Variants in SLC38A12 observed in about 807,000 individuals in gnomAD.
The protein encoded by SLC38A12 is putative sodium-coupled neutral amino acid transporter 12.
At chr17:74,798,343 A>G in the SLC38A12 span, among the ~76,000 whole-genome samples, 3 of 152,216 alleles carry the variant, frequency 2.0e-5, no homozygotes, top group Admixed American at 6.5e-5. Context: ...TCCTTGCTAC[A>G]GTAACTGTCT....
At chr17:74,818,178 G>C in the SLC38A12 span, among the ~76,000 whole-genome samples, 1 of 152,108 alleles carries the variant, frequency 6.6e-6, no homozygotes, top group African/African-American at 2.4e-5. Context: ...CCTCTCCCTG[G>C]GCTGAGGGGA....
the SLC38A12 span, among the ~76,000 whole-genome samples, chr17:74,793,047 C>G: frequency 6.6e-6 from 1 of 152,354 alleles, no homozygotes; most frequent in Admixed American, 6.5e-5. Flanking sequence ...TTTAAGAATT[C>G]TAGCAAACAG....
At chr17:74,811,327 C>G in the SLC38A12 span, among the ~76,000 whole-genome samples, 8 of 151,630 alleles carry the variant, frequency 5.3e-5, no homozygotes, top group African/African-American at 1.9e-4. Flanking sequence ...GAGACCTTGT[C>G]TGAAGAAACC....
chr17:74,827,547 C>T, the SLC38A12 span, among the ~76,000 whole-genome samples: 9 of 152,156 alleles, frequency 5.9e-5, no homozygotes, highest in Non-Finnish European at 1.0e-4. This position sits in a 1 kb window ranked among gnomAD's most constrained non-coding sequence, Gnocchi z 4.7. Context: ...CCACCCACCT[C>T]GGCCTCCCAA....
the SLC38A12 span, among the ~76,000 whole-genome samples, chr17:74,797,422 A>T: frequency 6.8e-3 from 1,041 of 152,326 alleles, 10 homozygotes; most frequent in African/African-American, 0.024. Context: ...GAGGCTGCAG[A>T]ACAGGAGTGG....
chr17:74,809,226 A>G, the SLC38A12 span, among the ~76,000 whole-genome samples: 36 of 152,132 alleles, frequency 2.4e-4, no homozygotes, highest in Non-Finnish European at 5.0e-4. Flanking sequence ...ACTTGCCTTG[A>G]AAAGGGGGAA....
chr17:74,836,072 C>T, the SLC38A12 span: 2 of 1,613,746 alleles, frequency 1.2e-6, no homozygotes, highest in South Asian at 1.1e-5. The surrounding 1 kb of genome is among the most constrained non-coding windows in gnomAD (Gnocchi z 4.2). Flanking sequence ...CTCTGCCATC[C>T]CTCATTACCC....
At chr17:74,788,911 C>T in the SLC38A12 span, 3 of 1,579,648 alleles carry the variant, frequency 1.9e-6, no homozygotes, top group Non-Finnish European at 2.6e-6. Flanking sequence ...GCCTCTGTTC[C>T]GTCAGGTACC....
At chr17:74,814,945 C>G in the SLC38A12 span, among the ~76,000 whole-genome samples, 2 of 152,148 alleles carry the variant, frequency 1.3e-5, no homozygotes, top group African/African-American at 4.8e-5. Flanking sequence ...CAGTCAAGAG[C>G]CCCCAGGGAG....
the SLC38A12 span, chr17:74,777,758 A>G: frequency 2.0e-6 from 1 of 494,500 alleles, no homozygotes; most frequent in Non-Finnish European, 3.5e-6. Flanking sequence ...TGTCTCTACT[A>G]AAAATACAAA....
At chr17:74,808,663 G>T in the SLC38A12 span, among the ~76,000 whole-genome samples, 2 of 152,206 alleles carry the variant, frequency 1.3e-5, no homozygotes, top group African/African-American at 4.8e-5. Context: ...ATGTTCAGGG[G>T]CTGAGCTCTT....
chr17:74,838,932 G>A, the SLC38A12 span: 1 of 1,535,768 alleles, frequency 6.5e-7, no homozygotes, highest in East Asian at 2.4e-5. Context: ...GAGGATGCCA[G>A]CCCAGCCTGG....
chr17:74,822,831 C>T, the SLC38A12 span, among the ~76,000 whole-genome samples: 1 of 152,220 alleles, frequency 6.6e-6, no homozygotes, highest in Non-Finnish European at 1.5e-5. Flanking sequence ...TGTCCCCCTC[C>T]CAGCCCCGGG....
chr17:74,828,275 AG>A, the SLC38A12 span, among the ~76,000 whole-genome samples: 2 of 152,212 alleles, frequency 1.3e-5, no homozygotes, highest in Non-Finnish European at 2.9e-5. Context: ...GCAGCTCTCC[AG>A]GAAGCAGCCC....
At chr17:74,798,860 C>T in the SLC38A12 span, among the ~76,000 whole-genome samples, 1 of 151,744 alleles carries the variant, frequency 6.6e-6, no homozygotes, top group African/African-American at 2.4e-5. Flanking sequence ...ATTCTTTCTG[C>T]AGTTTCTCCG....
At chr17:74,837,654 T>C in the SLC38A12 span, 2 of 985,458 alleles carry the variant, frequency 2.0e-6, no homozygotes, top group African/African-American at 3.5e-5. Context: ...GGGTGCTCAG[T>C]GTTCACGCTA....
the SLC38A12 span, among the ~76,000 whole-genome samples, chr17:74,825,769 C>A: frequency 0.015 from 2,260 of 152,262 alleles, 36 homozygotes; most frequent in East Asian, 0.064. Flanking sequence ...TCTGACCCGA[C>A]GATGGTGATG....
the SLC38A12 span, chr17:74,835,847 CA>C: frequency 6.6e-7 from 1 of 1,512,564 alleles, no homozygotes. Flanking sequence ...CTAGTCCCCG[CA>C]AAGGCGCCCC....
the SLC38A12 span, among the ~76,000 whole-genome samples, chr17:74,831,174 G>A: frequency 3.3e-5 from 5 of 152,190 alleles, no homozygotes; most frequent in South Asian, 2.1e-4. Context: ...CTCCCGCGAC[G>A]GGGATCTCAT....
Sources: gnomAD v4.1 joint callset for allele counts (sites outside exome capture counted in the v4.1 genomes callset) on GRCh38, gnomAD v4.1.1 for gene constraint, Gnocchi (gnomAD v3.1) non-coding constraint, MANE v1.5 for transcripts, NCBI Gene and HGNC (gene_info 2026-07-23, HGNC 2026-07-21) for gene names.